CEP350: variants seen among roughly 807,000 people sequenced by gnomAD.
CEP350 encodes centrosomal protein 350, also known as centrosome-associated protein 350.
CEP350 carries 126 observed loss-of-function variants against 331.8 expected under a neutral mutation model. The observed-to-expected ratio is 0.38, with a 90% CI of 0.33 to 0.44. The LOEUF (loss-of-function observed/expected upper bound fraction) is 0.44. Ranked by LOEUF, CEP350 falls within the 20% of genes least tolerant of loss-of-function variation. The pLI is 1.00. For missense variants in CEP350, 3,406 were observed against 3,634.6 expected (o/e 0.94, Z 1.62); for synonymous variants, 1,200 against 1,259.5 (o/e 0.95, Z 1.00).
intron 8 of CEP350, among the ~76,000 whole-genome samples, chr1:180,009,940 T>C (rs921628413): frequency 6.6e-6 from 1 of 152,140 alleles, no homozygotes; most frequent in Non-Finnish European, 1.5e-5. Context: ...AAATGGAAAG[T>C]CTTTTATTAT....
intron 17 of CEP350, among the ~76,000 whole-genome samples, chr1:180,037,866 G>T (rs1336863198): frequency 6.6e-6 from 1 of 152,062 alleles, no homozygotes; most frequent in Non-Finnish European, 1.5e-5. Context: ...AGCCAGGATG[G>T]TCTCAATCTC....
chr1:180,004,718 T>C (rs543164699), intron 7 of CEP350, among the ~76,000 whole-genome samples: 48 of 152,354 alleles, frequency 3.2e-4, no homozygotes, highest in African/African-American at 1.0e-3. Context: ...GCAGCATGAT[T>C]GATCACTTCT....
At chr1:180,057,716 C>T (rs1657948185) in intron 25 of CEP350, among the ~76,000 whole-genome samples, 1 of 152,084 alleles carries the variant, frequency 6.6e-6, no homozygotes, top group South Asian at 2.1e-4. Flanking sequence ...AACTGTTCAT[C>T]TTAATTCATT....
At chr1:180,051,002 C>A (rs1039554937) in intron 22 of CEP350, among the ~76,000 whole-genome samples, 1 of 152,112 alleles carries the variant, frequency 6.6e-6, no homozygotes, top group Non-Finnish European at 1.5e-5. Flanking sequence ...TAAGACTTAA[C>A]CATACAATCC....
At chr1:180,058,190 T>G (rs1024979068) in intron 25 of CEP350, among the ~76,000 whole-genome samples, 1 of 152,210 alleles carries the variant, frequency 6.6e-6, no homozygotes, top group African/African-American at 2.4e-5. Context: ...AATAAAAGAA[T>G]AGATGAAATA....
chr1:180,048,472 C>A, intron 21 of CEP350, 64 bp from the exon 22 acceptor site: 1 of 1,073,718 alleles, frequency 9.3e-7, no homozygotes, highest in Non-Finnish European at 1.4e-6. Flanking sequence ...AATAAGTTTA[C>A]TTTGAAGCTA....
chr1:180,021,675 T>C (rs1024095563), intron 12 of CEP350, among the ~76,000 whole-genome samples: 3 of 151,794 alleles, frequency 2.0e-5, no homozygotes, highest in Non-Finnish European at 4.4e-5. Flanking sequence ...GAAAAGAAAC[T>C]AAGTATGTTT....
chr1:180,004,896 TTGCTTG>T (rs1558093081), intron 7 of CEP350, among the ~76,000 whole-genome samples: 89 of 44,830 alleles, frequency 2.0e-3, no homozygotes, highest in African/African-American at 4.5e-3. Context: ...GCTTGCTTGC[TTGCTTG>T]CTTGCTTTCT....
intron 7 of CEP350, among the ~76,000 whole-genome samples, chr1:180,004,473 A>G (rs1654073909): frequency 6.6e-6 from 1 of 152,210 alleles, no homozygotes; most frequent in Non-Finnish European, 1.5e-5. Context: ...ATGCTGTTAT[A>G]TCAGTCATTG....
rs548931816 is a variant in CEP350, at chr1:180,072,111, A to T, written c.5568-2911A>T. Among the ~76,000 whole-genome samples, 5 of 152,326 alleles carry T rather than the reference A, an allele frequency of 3.3e-5. No individual in the cohort carries two copies. In the Middle Eastern group the frequency reaches 0.01, roughly 311 times the overall value. ...TCCTATAAGGAATGTATTTATATTT[A>T]CACTCCTTATATAAGGATGTATTTA... On this transcript the variant is annotated intron_variant, in intron 27 of 37. Coordinates refer to ENST00000367607, the MANE Select transcript of CEP350 (RefSeq NM_014810.5).
chr1:180,069,845 T>G (rs1376395196), intron 27 of CEP350, among the ~76,000 whole-genome samples: 1 of 152,212 alleles, frequency 6.6e-6, no homozygotes, highest in Non-Finnish European at 1.5e-5. Context: ...CCAGAAGGAA[T>G]AAAATGATTT....
At chr1:180,005,186 C>T (rs1376182132) in intron 7 of CEP350, among the ~76,000 whole-genome samples, 1 of 151,872 alleles carries the variant, frequency 6.6e-6, no homozygotes, top group Admixed American at 6.6e-5. Flanking sequence ...TTAGCCCACA[C>T]TTCCCCTCTG....
At chr1:180,061,906 A>C (rs1463077544) in intron 25 of CEP350, among the ~76,000 whole-genome samples, 1 of 152,220 alleles carries the variant, frequency 6.6e-6, no homozygotes, top group African/African-American at 2.4e-5. Context: ...GCAGCTATTA[A>C]ACTAGTAAGT....
At chr1:180,072,192 C>T (rs1468690311) in intron 27 of CEP350, among the ~76,000 whole-genome samples, 2 of 152,074 alleles carry the variant, frequency 1.3e-5, no homozygotes, top group South Asian at 2.1e-4. Context: ...TTAAACTTTT[C>T]TTACTCTGTT....
chr1:180,042,930 C>T lies in CEP350; in HGVS notation c.4363-126C>T, dbSNP rs970551264. On this transcript the variant is annotated intron_variant, in intron 19 of 37. Coordinates refer to ENST00000367607, the MANE Select transcript of CEP350 (RefSeq NM_014810.5). ...AAATGACTTGTCCACAGTATTTCAT[C>T]TATTAGTGGCAGAATTTGCTTGTTC... 16 of 950,728 alleles carry T rather than the reference C, an allele frequency of 1.7e-5. No homozygotes were observed. In the South Asian group the frequency reaches 2.0e-4, roughly 12 times the overall value. 58.9% of individuals were successfully genotyped at this position (950,728 alleles called of 1,614,324 possible). A position where few individuals can be genotyped will look rare whatever the true frequency, so the allele number is the denominator to read the frequency against.
At chr1:180,110,253 C>A (rs1384789481) in intron 37 of CEP350, among the ~76,000 whole-genome samples, 1 of 152,194 alleles carries the variant, frequency 6.6e-6, no homozygotes, top group Non-Finnish European at 1.5e-5. Context: ...ATGTCCCCTA[C>A]TTAATGAGGG....
chr1:180,073,708 C>T, intron 27 of CEP350: 1 of 1,141,782 alleles, frequency 8.8e-7, no homozygotes. Context: ...GTTCTTCACT[C>T]AGCTCTTACG....
rs538276435 is a variant in CEP350 at position 180,075,311 on chromosome 1, G to T, written c.5767+90G>T. The T allele has an allele frequency of 2.7e-5, 35 of 1,300,936 alleles. No homozygotes were observed. The African/African-American group carries it at 5.2e-4, about 19-fold the overall frequency. 80.6% of individuals were successfully genotyped at this position (1,300,936 alleles called of 1,614,324 possible). On this transcript the variant is annotated intron_variant, in intron 28 of 37. Coordinates refer to ENST00000367607, the MANE Select transcript of CEP350 (RefSeq NM_014810.5). ...ATTACTTTTAAAAATGCGAGGCTGGGCGCAGTGGCTCACGCCTGTAATCCT... is the reference window on the plus strand; with the variant it reads ...ATTACTTTTAAAAATGCGAGGCTGGTCGCAGTGGCTCACGCCTGTAATCCT...
rs1417184570 is a variant in CEP350, at chr1:179,970,998, A to G, written c.-13-15171A>G. On this transcript the variant is annotated intron_variant, in intron 1 of 37. Transcript: ENST00000367607. ...TTTAAAATAATGATAAACCTATTAC[A>G]TGTTAAAATAATAACTTTTTGTTGT... is the stretch of plus-strand genomic sequence containing the variant. Among the ~76,000 whole-genome samples, 8 of 150,532 alleles carry G rather than the reference A, an allele frequency of 5.3e-5. No individual in the cohort carries two copies. The East Asian group carries it at 1.2e-3, about 22-fold the overall frequency.
Sources: gnomAD v4.1 joint callset for allele counts (sites outside exome capture counted in the v4.1 genomes callset) on GRCh38, gnomAD v4.1.1 for gene constraint, MANE v1.5 for transcripts, NCBI Gene and HGNC (gene_info 2026-07-23, HGNC 2026-07-21) for gene names.